The following YES1 variants were observed in gnomAD, a reference collection of about 807,000 sequenced individuals.
YES1 encodes tyrosine-protein kinase Yes.
YES1 carries 39 observed loss-of-function variants against 70.4 expected under a neutral mutation model. The ratio of observed to expected loss-of-function variants is 0.55; its 90% CI spans 0.43 to 0.72. The LOEUF is 0.72. Ranked by LOEUF, YES1 falls within the 30% of genes least tolerant of loss-of-function variation. The pLI is 0.00. For missense variants in YES1, 495 were observed against 644.8 expected (o/e 0.77, Z 2.52); for synonymous variants, 198 against 218.6 (o/e 0.91, Z 0.83).
rs555901894 is a variant in YES1 at position 726,567 on chromosome 18, G to A, written c.1424-1935C>T. Among the ~76,000 whole-genome samples the A allele has an allele frequency of 9.9e-5, 15 of 151,846 alleles. 1 individual carries two copies. The East Asian group carries it at 2.9e-3, about 29-fold the overall frequency. On this transcript the variant is annotated intron_variant, in intron 11 of 11. Transcript: ENST00000314574. Reference sequence around the variant, plus strand: ...AGGCTGAGTGGGCGGATCACCTGAGGTCAGGAGTTTGAGACCAGCCTGGCC... The same window carrying A: ...AGGCTGAGTGGGCGGATCACCTGAGATCAGGAGTTTGAGACCAGCCTGGCC...
chr18:763,844 A>G (rs1180604872), intron 1 of YES1, among the ~76,000 whole-genome samples: 1 of 152,078 alleles, frequency 6.6e-6, no homozygotes, highest in Admixed American at 6.6e-5. Context: ...AGTCGAGGCC[A>G]GGCGCAGTGG....
chr18:763,365 C>T (rs757038970), intron 1 of YES1, among the ~76,000 whole-genome samples: 9 of 152,018 alleles, frequency 5.9e-5, no homozygotes, highest in Non-Finnish European at 1.3e-4. Flanking sequence ...AGCAGTTAGA[C>T]AAGTTATAAA....
At chr18:749,159 T>TA (rs1237087688) in intron 3 of YES1, among the ~76,000 whole-genome samples, 11 of 149,750 alleles carry the variant, frequency 7.3e-5, no homozygotes, top group Non-Finnish European at 1.5e-4. Flanking sequence ...AGACTCCATC[T>TA]AAAAAAAACA....
At chr18:756,076 T>C (rs2097194836) in intron 2 of YES1, among the ~76,000 whole-genome samples, 2 of 152,272 alleles carry the variant, frequency 1.3e-5, no homozygotes, top group South Asian at 4.1e-4. Flanking sequence ...TTTTAAACTG[T>C]CTGAGCTTTA....
chr18:731,966 CAAAAAAAAAAAA>C (rs1165333694), intron 11 of YES1, among the ~76,000 whole-genome samples: 1 of 79,970 alleles, frequency 1.3e-5, no homozygotes, highest in Non-Finnish European at 2.3e-5. Flanking sequence ...GACTCCATTT[CAAAAAAAAAAAA>C]AAAAAAAAAG....
intron 3 of YES1, among the ~76,000 whole-genome samples, chr18:749,838 G>A (rs1445248419): frequency 2.8e-5 from 4 of 142,920 alleles, no homozygotes; most frequent in Non-Finnish European, 6.0e-5. Context: ...CCAGCCTGGC[G>A]ACAGAGCAAG....
intron 6 of YES1, among the ~76,000 whole-genome samples, chr18:744,682 G>A (rs1177207344): frequency 4.6e-5 from 6 of 131,316 alleles, no homozygotes; most frequent in African/African-American, 2.9e-5. Flanking sequence ...GAGCCACCAC[G>A]CCTGGCCTTT....
chr18:758,706 G>A (rs1904417292), intron 1 of YES1, among the ~76,000 whole-genome samples: 1 of 152,030 alleles, frequency 6.6e-6, no homozygotes, highest in Non-Finnish European at 1.5e-5. Flanking sequence ...TTTCTTATGA[G>A]GCTCACTTTA....
At chr18:773,992 C>A (rs1162840874) in intron 1 of YES1, among the ~76,000 whole-genome samples, 1 of 152,094 alleles carries the variant, frequency 6.6e-6, no homozygotes, top group African/African-American at 2.4e-5. Flanking sequence ...CCATCTTGCC[C>A]GGCTAATTTT....
intron 1 of YES1, among the ~76,000 whole-genome samples, chr18:801,681 C>T (rs1906828679): frequency 6.6e-6 from 1 of 152,078 alleles, no homozygotes; most frequent in South Asian, 2.1e-4. Context: ...TGAGTACAAA[C>T]TACATATATA....
At chr18:734,044 C>T (rs896521853) in intron 10 of YES1, among the ~76,000 whole-genome samples, 7 of 152,118 alleles carry the variant, frequency 4.6e-5, no homozygotes, top group African/African-American at 9.7e-5. Context: ...TTTGAGAGGC[C>T]GAGGTGGGCA....
At chr18:798,533 G>C (rs1906656627) in intron 1 of YES1, among the ~76,000 whole-genome samples, 1 of 152,128 alleles carries the variant, frequency 6.6e-6, no homozygotes, top group African/African-American at 2.4e-5. Flanking sequence ...AAGGGGAAAT[G>C]GTGAGAAGAT....
intron 1 of YES1, among the ~76,000 whole-genome samples, chr18:761,639 C>T (rs570339218): frequency 1.3e-5 from 2 of 152,248 alleles, no homozygotes; most frequent in South Asian, 4.1e-4. Flanking sequence ...TTAACCTGTC[C>T]TCCAGCCTCA....
At chr18:755,666 T>C (rs1225451957) in intron 2 of YES1, among the ~76,000 whole-genome samples, 3 of 152,142 alleles carry the variant, frequency 2.0e-5, no homozygotes, top group Admixed American at 6.6e-5. Context: ...AGGACATATA[T>C]TGCTTGATTT....
chr18:743,016 G>A lies in YES1; in HGVS notation c.962C>T (p.Ala321Val). 1.2e-6 allele frequency: 2 copies of A among 1,612,558 alleles called. No individual in the cohort carries two copies. Among genetic ancestry groups the A allele is most frequent in the Non-Finnish European group, 1.7e-6 (2 of 1,179,750 alleles). Residue 321 changes from alanine to valine, a missense_variant, in exon 8 of 12, where the codon GCT (alanine) becomes GTT (valine). Ala to Val is a moderately conservative substitution (Grantham distance 64). Transcript: ENST00000314574. The stretch of plus-strand genomic sequence containing the variant: ...ATGTCTTAATTTTTTCATTATCTGA[G>A]CTTCTTGAAGGAAAGCTTCTGGCAT... ...TMMPEAFLQEAQIMKKLRHDK... is the reference protein window; with the variant it reads ...TMMPEAFLQEVQIMKKLRHDK...
At chr18:773,241 C>T (rs1172684934) in intron 1 of YES1, among the ~76,000 whole-genome samples, 4 of 152,304 alleles carry the variant, frequency 2.6e-5, no homozygotes, top group South Asian at 4.2e-4. Flanking sequence ...GCTGATCCAG[C>T]TCTACTAAGT....
chr18:780,453 C>T, intron 1 of YES1, among the ~76,000 whole-genome samples: 1 of 152,042 alleles, frequency 6.6e-6, no homozygotes, highest in Non-Finnish European at 1.5e-5. Flanking sequence ...ACACTCAGCC[C>T]CCTCACCATG....
chr18:760,629 T>C (rs1904543174), intron 1 of YES1, among the ~76,000 whole-genome samples: 1 of 152,172 alleles, frequency 6.6e-6, no homozygotes, highest in African/African-American at 2.4e-5. Context: ...GGCTCTACAA[T>C]TTCCCATGGA....
chr18:724,709 C>A, intron 11 of YES1, 77 bp from the exon 12 acceptor site: 1 of 1,120,278 alleles, frequency 8.9e-7, no homozygotes, highest in Non-Finnish European at 1.3e-6. Flanking sequence ...CCCCTAGCCA[C>A]TAACTCATTC....
Sources: gnomAD v4.1 joint callset for allele counts (sites outside exome capture counted in the v4.1 genomes callset) on GRCh38, gnomAD v4.1.1 for gene constraint, MANE v1.5 for transcripts, NCBI Gene and HGNC (gene_info 2026-07-23, HGNC 2026-07-21) for gene names.